Variants in EPB41L5 observed in about 807,000 individuals in gnomAD.
EPB41L5 encodes the protein band 4.1-like protein 5.
In EPB41L5, 55 loss-of-function variants were observed where a neutral mutation model predicts 106.6. The observed-to-expected ratio is 0.52, with a 90% CI of 0.42 to 0.65. The LOEUF is 0.65. EPB41L5 is among the 30% of genes least tolerant of loss of function. EPB41L5 has a pLI of 0.00. For synonymous variants in EPB41L5, 297 were observed against 306.7 expected, an observed-to-expected ratio of 0.97 and a Z score of 0.33; for missense variants, 871 against 882.1, an observed-to-expected ratio of 0.99 and a Z score of 0.16.
chr2:120,021,615 C>T (rs779511593), intron 2 of EPB41L5, among the ~76,000 whole-genome samples: 6 of 152,006 alleles, frequency 3.9e-5, no homozygotes, highest in Non-Finnish European at 8.8e-5. Context: ...CACTCCAGCC[C>T]GGGTGACAGT....
At chr2:120,105,914 T>TA (rs1458539054) in intron 16 of EPB41L5, 12 of 985,154 alleles carry the variant, frequency 1.2e-5, no homozygotes, top group Non-Finnish European at 1.4e-5. Context: ...TGTATATCAT[T>TA]AAAAAAAGTA....
chr2:120,168,974 T>A (rs1574797906), intron 24 of EPB41L5, among the ~76,000 whole-genome samples: 1 of 152,306 alleles, frequency 6.6e-6, no homozygotes, highest in East Asian at 1.9e-4. Flanking sequence ...AAAATAGAGC[T>A]GCACACAGAG....
At chr2:120,070,979 T>C (rs537318707) in intron 3 of EPB41L5, among the ~76,000 whole-genome samples, 5 of 152,274 alleles carry the variant, frequency 3.3e-5, no homozygotes, top group African/African-American at 9.6e-5. Flanking sequence ...TATTGGAAGT[T>C]CTGGCCAGCG....
chr2:120,144,530 T>G (rs984259158), intron 19 of EPB41L5, among the ~76,000 whole-genome samples: 6 of 152,316 alleles, frequency 3.9e-5, no homozygotes, highest in Non-Finnish European at 8.8e-5. Flanking sequence ...GGGATTTGAT[T>G]TTATAGTGAA....
At chr2:120,044,588 T>G (rs911320253) in intron 3 of EPB41L5, among the ~76,000 whole-genome samples, 1 of 152,162 alleles carries the variant, frequency 6.6e-6, no homozygotes, top group Admixed American at 6.5e-5. Flanking sequence ...TTTGAGTTAC[T>G]TAGTATTTAA....
chr2:120,054,618 C>T (rs772938225), intron 3 of EPB41L5, among the ~76,000 whole-genome samples: 9 of 151,860 alleles, frequency 5.9e-5, no homozygotes, highest in Non-Finnish European at 1.3e-4. Flanking sequence ...TCTCCTGCCT[C>T]AGCCTCCGAA....
At chr2:120,023,477 A>G in intron 2 of EPB41L5, among the ~76,000 whole-genome samples, 1 of 152,076 alleles carries the variant, frequency 6.6e-6, no homozygotes, top group East Asian at 1.9e-4. Context: ...AGGTTTGTCA[A>G]AGATCAGGTG....
chr2:120,179,107 C>T lies in EPB41L5; in HGVS notation c.*4200C>T, dbSNP rs1198412539. 1 of 152,172 alleles carries T rather than the reference C, an allele frequency of 6.6e-6. No homozygotes were observed. Among genetic ancestry groups the T allele is most frequent in the Non-Finnish European group, 1.5e-5 (1 of 68,040 alleles). The allele number at this position is 152,172 out of a possible 1,614,324, so 9.4% of individuals were successfully genotyped here. A position where few individuals can be genotyped will look rare whatever the true frequency, so the allele number is the denominator to read the frequency against. Reference sequence around the variant, plus strand: ...ATGTAACTCTATTCAAATAAACCTTCGTGAGACATTCATGTTTTTGTGCAC... The same window carrying T: ...ATGTAACTCTATTCAAATAAACCTTTGTGAGACATTCATGTTTTTGTGCAC... On this transcript the variant is annotated 3_prime_UTR_variant, in exon 25 of 25. Coordinates refer to ENST00000263713, the MANE Select transcript of EPB41L5 (RefSeq NM_020909.4).
intron 5 of EPB41L5, among the ~76,000 whole-genome samples, chr2:120,074,745 G>A (rs564578691): frequency 6.6e-6 from 1 of 152,202 alleles, no homozygotes; most frequent in Non-Finnish European, 1.5e-5. Context: ...AAAAAGTTGA[G>A]CTTTTGAGTT....
At chr2:120,075,418 T>G in intron 5 of EPB41L5, 58 bp from the exon 6 acceptor site, 1 of 1,278,636 alleles carries the variant, frequency 7.8e-7, no homozygotes, top group Non-Finnish European at 1.1e-6. Flanking sequence ...AAGTGTAAGA[T>G]TTTTTTTCAC....
chr2:120,158,421 AGGTT>A (rs769791255), intron 20 of EPB41L5, among the ~76,000 whole-genome samples: 16 of 152,204 alleles, frequency 1.1e-4, no homozygotes, highest in Non-Finnish European at 2.1e-4. Flanking sequence ...CTGGGATGCA[AGGTT>A]GGTTCAGCAT....
In EPB41L5 at chr2:120,116,528, G is replaced by A. The variant is rs77708306; in HGVS notation, c.1338-11160G>A. Among the ~76,000 whole-genome samples the A allele has an allele frequency of 5.2e-3, 797 of 151,912 alleles. 4 individuals are homozygous for A. The highest frequency in any genetic ancestry group is 0.018 in the African/African-American group (764 of 41,436). On this transcript the variant is annotated intron_variant, in intron 16 of 24. Transcript: ENST00000263713. Reference sequence around the variant, plus strand: ...TTTCTTAAAAGTAATGATGAATGGCGTTTTGTTTTTTGAGATAGGGTCTTG... The same window carrying A: ...TTTCTTAAAAGTAATGATGAATGGCATTTTGTTTTTTGAGATAGGGTCTTG...
intron 3 of EPB41L5, among the ~76,000 whole-genome samples, chr2:120,049,549 A>G (rs1399240554): frequency 4.6e-5 from 7 of 151,728 alleles, no homozygotes; most frequent in Non-Finnish European, 8.8e-5. Context: ...TTTTGAGCCT[A>G]TGGACGTGTC....
At chr2:120,111,594 A>C (rs1423660334) in intron 16 of EPB41L5, among the ~76,000 whole-genome samples, 1 of 152,016 alleles carries the variant, frequency 6.6e-6, no homozygotes, top group Non-Finnish European at 1.5e-5. Flanking sequence ...AGAATCAGTA[A>C]ATTCTGTCAG....
At chr2:120,022,237 G>C (rs1010401760) in intron 2 of EPB41L5, among the ~76,000 whole-genome samples, 3 of 151,966 alleles carry the variant, frequency 2.0e-5, no homozygotes, top group African/African-American at 7.3e-5. Flanking sequence ...AGAACGTGCA[G>C]GTTTATTACA....
intron 14 of EPB41L5, among the ~76,000 whole-genome samples, chr2:120,095,091 T>C (rs927162646): frequency 6.6e-6 from 1 of 152,192 alleles, no homozygotes; most frequent in Non-Finnish European, 1.5e-5. Context: ...ATTGTTCATC[T>C]TTTGCCTAGT....
intron 2 of EPB41L5, among the ~76,000 whole-genome samples, chr2:120,021,228 T>C (rs1677902808): frequency 6.6e-6 from 1 of 152,032 alleles, no homozygotes; most frequent in South Asian, 2.1e-4. Context: ...TAGTCCCAGC[T>C]ACTCAGGAGG....
chr2:120,081,067 C>T (rs533039223), intron 10 of EPB41L5, among the ~76,000 whole-genome samples: 40 of 152,170 alleles, frequency 2.6e-4, no homozygotes, highest in African/African-American at 9.4e-4. Context: ...GTTGCCTGTT[C>T]ACTCTGATGT....
rs550248415 is a variant in EPB41L5 at position 120,080,064 on chromosome 2, T to C, written c.803+1483T>C. ...TGATAATTAGGCTGAGGATAGAATTTTAGGTTGAAAATTATTTCCCTCAAA... is the reference window on the plus strand; with the variant it reads ...TGATAATTAGGCTGAGGATAGAATTCTAGGTTGAAAATTATTTCCCTCAAA... On this transcript the variant is annotated intron_variant, in intron 10 of 24. Coordinates refer to ENST00000263713, the MANE Select transcript of EPB41L5 (RefSeq NM_020909.4). 1.3e-4 allele frequency among the ~76,000 whole-genome samples: 20 copies of C among 152,306 alleles called. 1 individual carries two copies. The South Asian group carries it at 3.9e-3, about 30-fold the overall frequency.
Sources: gnomAD v4.1 joint callset for allele counts (sites outside exome capture counted in the v4.1 genomes callset) on GRCh38, gnomAD v4.1.1 for gene constraint, MANE v1.5 for transcripts, NCBI Gene and HGNC (gene_info 2026-07-23, HGNC 2026-07-21) for gene names.